Variants in CYSLTR1 observed in about 807,000 individuals in gnomAD.
CYSLTR1 encodes the protein cysteinyl leukotriene receptor 1, also known as G-protein coupled receptor HG55.
A neutral mutation model predicts 2.1 loss-of-function variants in CYSLTR1; 1 was observed. The observed-to-expected ratio is 0.48, with a 90% CI of 0.17 to 2.28. The LOEUF is 2.28. Ranked by LOEUF, CYSLTR1 falls within the 30% of genes most tolerant of loss-of-function variation. The pLI is 0.26. For missense variants in CYSLTR1, 299 were observed against 250.1 expected (o/e 1.20, Z -1.32); for synonymous variants, 110 against 89.6 (o/e 1.23, Z -1.28).
intron 1 of CYSLTR1, among the ~76,000 whole-genome samples, chrX:78,310,331 G>C (rs1481276973): frequency 2.7e-5 from 3 of 111,739 alleles, no homozygotes; most frequent in African/African-American, 9.8e-5. Context: ...TTTTAGGGAT[G>C]GCAAAATGCT....
chrX:78,295,607 C>T (rs1299374243), intron 1 of CYSLTR1, among the ~76,000 whole-genome samples: 1 of 111,341 alleles, frequency 9.0e-6, no homozygotes, highest in Non-Finnish European at 1.9e-5. Context: ...GAGATGATAC[C>T]TCATTGCAGT....
intron 1 of CYSLTR1, among the ~76,000 whole-genome samples, chrX:78,295,777 T>A (rs1384637827): frequency 8.9e-6 from 1 of 111,925 alleles, no homozygotes; most frequent in Non-Finnish European, 1.9e-5. Flanking sequence ...TTTGAACTCC[T>A]TATATATTAT....
At chrX:78,302,215 C>A (rs749192479) in intron 1 of CYSLTR1, among the ~76,000 whole-genome samples, 2 of 112,377 alleles carry the variant, frequency 1.8e-5, no homozygotes, top group East Asian at 5.6e-4. Flanking sequence ...AAAGGGTGTA[C>A]TCCCAGACTA....
chrX:78,288,498 T>C (rs1922165677), intron 1 of CYSLTR1, among the ~76,000 whole-genome samples: 1 of 111,940 alleles, frequency 8.9e-6, no homozygotes, highest in Non-Finnish European at 1.9e-5. Flanking sequence ...CCTTTCTTGA[T>C]AATTTCCATT....
At chrX:78,288,296 G>A (rs185459958) in intron 1 of CYSLTR1, among the ~76,000 whole-genome samples, 12 of 111,667 alleles carry the variant, frequency 1.1e-4, no homozygotes, top group African/African-American at 2.6e-4. Flanking sequence ...ATATACTATC[G>A]TGCTAAGTGA....
intron 1 of CYSLTR1, among the ~76,000 whole-genome samples, chrX:78,295,525 T>C (rs1431403397): frequency 9.0e-6 from 1 of 111,083 alleles, no homozygotes; most frequent in Non-Finnish European, 1.9e-5. Flanking sequence ...ATATAAGACA[T>C]TCCTTTTCTT....
chrX:78,308,584 T>A (rs1249139668), intron 1 of CYSLTR1, among the ~76,000 whole-genome samples: 2 of 112,063 alleles, frequency 1.8e-5, no homozygotes, highest in Admixed American at 9.5e-5. Context: ...AAGCTGGAAT[T>A]GTAAAGAGCC....
rs1921419237 is a variant in CYSLTR1, at chrX:78,273,563, T to C, written c.184A>G (p.Met62Val). Residue 62 changes from methionine (M) to valine (V), a missense_variant, in exon 3 of 3, where the codon ATG becomes GTG. Met to Val is a conservative substitution (Grantham distance 21, BLOSUM62 1). Coordinates refer to ENST00000373304, the MANE Select transcript of CYSLTR1 (RefSeq NM_006639.4). ...YHKKSAFQVY[M>V]INLAVADLLC... Reference sequence around the variant, plus strand: ...AGATCTGCTACTGCTAAATTAATCATGTATACTTGGAAGGCTGACTTCTTG... The same window carrying C: ...AGATCTGCTACTGCTAAATTAATCACGTATACTTGGAAGGCTGACTTCTTG... The C allele has an allele frequency of 1.7e-6, 2 of 1,209,897 alleles. No homozygotes were observed. The highest frequency in any genetic ancestry group is 4.4e-5 in the Admixed American group (2 of 45,625).
chrX:78,318,212 G>A (rs188246649), intron 1 of CYSLTR1, among the ~76,000 whole-genome samples: 1 of 112,024 alleles, frequency 8.9e-6, no homozygotes, highest in Admixed American at 9.4e-5. Flanking sequence ...GACACAAAAA[G>A]GAATGAGATT....
chrX:78,280,609 A>G (rs933062470), intron 2 of CYSLTR1, among the ~76,000 whole-genome samples: 3 of 109,568 alleles, frequency 2.7e-5, no homozygotes, highest in Non-Finnish European at 5.7e-5. Context: ...CAGGTTTGTT[A>G]TATAGGTAAA....
intron 1 of CYSLTR1, among the ~76,000 whole-genome samples, chrX:78,294,324 T>C (rs772056745): frequency 4.5e-4 from 51 of 112,467 alleles, no homozygotes; most frequent in African/African-American, 1.6e-3. Flanking sequence ...ACAGCAAATA[T>C]TGCTGCCTGA....
Position 78,322,823 on chromosome X carries a change from G to A in CYSLTR1, c.-115+4482C>T, listed in dbSNP as rs755553646. 3.6e-5 allele frequency among the ~76,000 whole-genome samples: 4 copies of A among 111,555 alleles called. No individual in the cohort carries two copies. The South Asian group carries it at 1.5e-3, about 42-fold the overall frequency. Reference sequence around the variant, plus strand: ...ACAGCTCTCAGGTGTTTCTTCTGTAGTCTCTTATTCTCCTTAAGAGGAGAA... The same window carrying A: ...ACAGCTCTCAGGTGTTTCTTCTGTAATCTCTTATTCTCCTTAAGAGGAGAA... On this transcript the variant is annotated intron_variant, in intron 1 of 2. Transcript: ENST00000373304.
chrX:78,292,750 G>T (rs1922402140), intron 1 of CYSLTR1, among the ~76,000 whole-genome samples: 1 of 107,829 alleles, frequency 9.3e-6, no homozygotes, highest in South Asian at 3.9e-4. Context: ...TTTGATCTTT[G>T]TTGGTTTAAA....
At chrX:78,307,367 G>C (rs982117191) in intron 1 of CYSLTR1, among the ~76,000 whole-genome samples, 1 of 111,512 alleles carries the variant, frequency 9.0e-6, no homozygotes, top group African/African-American at 3.3e-5. Flanking sequence ...TCTCCTAAAG[G>C]CTACCTTCAG....
At chrX:78,314,002 T>C (rs1923315194) in intron 1 of CYSLTR1, among the ~76,000 whole-genome samples, 1 of 111,825 alleles carries the variant, frequency 8.9e-6, no homozygotes, top group African/African-American at 3.3e-5. Flanking sequence ...TAATAGATTC[T>C]GGCTCACAGT....
chrX:78,325,019 A>G (rs1019057312), intron 1 of CYSLTR1, among the ~76,000 whole-genome samples: 7 of 112,543 alleles, frequency 6.2e-5, no homozygotes, highest in African/African-American at 2.3e-4. Context: ...ATTGTGTTGC[A>G]TTCAAAACTT....
chrX:78,273,041 T>C lies in CYSLTR1; in HGVS notation c.706A>G (p.Met236Val). ...ACTAAAAAGGCAGCGGTCACGACCA[T>C]GATCATTCCTATAGCCTTTTTATGA... ...SSHKKAIGMI[M>V]VVTAAFLVSF... is the part of the protein sequence containing the mutation. The change falls in exon 3 of 3, where the codon ATG becomes GTG. Residue 236 changes from methionine to valine, a missense_variant. Transcript: ENST00000373304. 3.3e-6 allele frequency: 4 copies of C among 1,211,825 alleles called. No individual in the cohort carries two copies. The highest frequency in any genetic ancestry group is 1.8e-5 in the South Asian group (1 of 56,994).
chrX:78,300,446 C>G (rs1034490674), intron 1 of CYSLTR1, among the ~76,000 whole-genome samples: 1 of 112,809 alleles, frequency 8.9e-6, no homozygotes, highest in Non-Finnish European at 1.9e-5. Context: ...CTTGGGAAGG[C>G]TTTCCAGATA....
At chrX:78,285,942 G>T (rs956514568) in intron 1 of CYSLTR1, among the ~76,000 whole-genome samples, 1 of 111,816 alleles carries the variant, frequency 8.9e-6, no homozygotes, top group Non-Finnish European at 1.9e-5. Context: ...AAATGTGGTT[G>T]TATGATTTTG....
Sources: gnomAD v4.1 joint callset for allele counts (sites outside exome capture counted in the v4.1 genomes callset) on GRCh38, gnomAD v4.1.1 for gene constraint, MANE v1.5 for transcripts, NCBI Gene and HGNC (gene_info 2026-07-23, HGNC 2026-07-21) for gene names.